PTTG1IP: variants seen among roughly 807,000 people sequenced by gnomAD.
The protein encoded by PTTG1IP is pituitary tumor-transforming gene 1 protein-interacting protein.
PTTG1IP carries 16 observed loss-of-function variants against 24.4 expected under a neutral mutation model. The ratio of observed to expected loss-of-function variants is 0.66; its 90% CI spans 0.44 to 1.00. The LOEUF is 1.00. Ranked by LOEUF, PTTG1IP falls within the 50% of genes least tolerant of loss-of-function variation. The pLI is 0.00. For synonymous variants in PTTG1IP, 89 were observed against 96.8 expected, an observed-to-expected ratio of 0.92 and a Z score of 0.47; for missense variants, 241 against 245.8, an observed-to-expected ratio of 0.98 and a Z score of 0.13.
chr21:44,861,939 G>T (rs888891198), intron 2 of PTTG1IP: 1 of 688,710 alleles, frequency 1.5e-6, no homozygotes, highest in African/African-American at 1.8e-5. Flanking sequence ...GCACTAAGTC[G>T]CACAGCTTGA....
chr21:44,867,061 C>G (rs1436163120), intron 1 of PTTG1IP, among the ~76,000 whole-genome samples: 1 of 152,166 alleles, frequency 6.6e-6, no homozygotes, highest in Non-Finnish European at 1.5e-5. Flanking sequence ...TGAACACAGC[C>G]CAGATGTCAC....
chr21:44,852,682 G>C (rs1338601842), intron 5 of PTTG1IP, among the ~76,000 whole-genome samples: 1 of 152,194 alleles, frequency 6.6e-6, no homozygotes, highest in East Asian at 1.9e-4. Context: ...GAGGCTCAAA[G>C]TCGGTTTTGG....
At chr21:44,866,750 CCAGA>C (rs1169550732) in intron 1 of PTTG1IP, among the ~76,000 whole-genome samples, 15 of 152,170 alleles carry the variant, frequency 9.9e-5, no homozygotes, top group African/African-American at 3.4e-4. Context: ...TCACCAGTCA[CCAGA>C]CAAAGGCAAA....
chr21:44,858,964 A>G (rs552738384), intron 3 of PTTG1IP, among the ~76,000 whole-genome samples: 3 of 152,344 alleles, frequency 2.0e-5, no homozygotes, highest in Admixed American at 6.5e-5. Context: ...TGGCAGACGT[A>G]CTAAGGCTAA....
chr21:44,858,846 A>C (rs1336122772), intron 3 of PTTG1IP, among the ~76,000 whole-genome samples: 1 of 152,248 alleles, frequency 6.6e-6, no homozygotes, highest in African/African-American at 2.4e-5. Context: ...CACTAGATGG[A>C]CTGAACTTAG....
intron 1 of PTTG1IP, among the ~76,000 whole-genome samples, chr21:44,872,403 G>A (rs143459707): frequency 1.2e-3 from 182 of 152,354 alleles, no homozygotes; most frequent in South Asian, 0.01. Flanking sequence ...CACTGACAGA[G>A]CCTGGGCTAA....
At chr21:44,855,857 C>G (rs977154234) in intron 4 of PTTG1IP, among the ~76,000 whole-genome samples, 1 of 152,212 alleles carries the variant, frequency 6.6e-6, no homozygotes, top group Non-Finnish European at 1.5e-5. Flanking sequence ...GCTGTCCCCT[C>G]TGAGCCTCAG....
At chr21:44,853,869 G>A (rs1403420865) in intron 5 of PTTG1IP, among the ~76,000 whole-genome samples, 4 of 152,210 alleles carry the variant, frequency 2.6e-5, no homozygotes, top group Admixed American at 2.0e-4. Context: ...TGGGCATCTC[G>A]AGGCCAGCAG....
intron 3 of PTTG1IP, among the ~76,000 whole-genome samples, chr21:44,858,733 C>G (rs749643229): frequency 2.0e-5 from 3 of 152,192 alleles, no homozygotes; most frequent in Non-Finnish European, 4.4e-5. Context: ...TGTCATTTCA[C>G]AAGAGAATTG....
intron 4 of PTTG1IP, 50 bp from the exon 5 acceptor site, chr21:44,855,306 G>GT (rs755619782): frequency 6.4e-7 from 1 of 1,554,422 alleles, no homozygotes; most frequent in South Asian, 1.1e-5. Flanking sequence ...GCACGGTGGT[G>GT]TAACTGCTAG....
At chr21:44,852,183 A>AT (rs200004610) in intron 5 of PTTG1IP, among the ~76,000 whole-genome samples, 41 of 150,612 alleles carry the variant, frequency 2.7e-4, no homozygotes, top group South Asian at 1.1e-3. Context: ...CTCTCCCTTT[A>AT]TTTTTTATTT....
intron 2 of PTTG1IP, among the ~76,000 whole-genome samples, chr21:44,863,824 C>CA (rs1477253937): frequency 6.6e-6 from 1 of 152,222 alleles, no homozygotes; most frequent in Non-Finnish European, 1.5e-5. Context: ...TCAGCAAATG[C>CA]AAGTATCCAC....
chr21:44,853,433 G>A (rs1464644411), intron 5 of PTTG1IP, among the ~76,000 whole-genome samples: 5 of 151,568 alleles, frequency 3.3e-5, no homozygotes, highest in Non-Finnish European at 7.4e-5. Flanking sequence ...GTGTGAACCT[G>A]GGAGGCAGAG....
chr21:44,852,348 A>C (rs905739306), intron 5 of PTTG1IP, among the ~76,000 whole-genome samples: 14 of 151,874 alleles, frequency 9.2e-5, no homozygotes, highest in Non-Finnish European at 1.8e-4. Flanking sequence ...TACTTGGCTA[A>C]TTTTTGTATT....
rs1203217552 is a variant in PTTG1IP, at chr21:44,861,247, C to T, written c.193G>A (p.Ala65Thr). 1 of 1,613,848 alleles carries T rather than the reference C, an allele frequency of 6.2e-7. No homozygotes were observed. The highest frequency in any genetic ancestry group is 2.2e-5 in the East Asian group (1 of 44,892). ...CTTGTAACTGGGTAGTCCAGACAAGCCTTGTTAGTGTTGCACCAAAGACAC... is the reference window on the plus strand; with the variant it reads ...CTTGTAACTGGGTAGTCCAGACAAGTCTTGTTAGTGTTGCACCAAAGACAC... ...VSCLWCNTNK[A>T]CLDYPVTSVL... Residue 65 changes from alanine to threonine, a missense_variant, in exon 3 of 6, where the codon GCT becomes ACT. Transcript: ENST00000330938.
chr21:44,872,585 T>A (rs1359788914), intron 1 of PTTG1IP, among the ~76,000 whole-genome samples: 4 of 152,186 alleles, frequency 2.6e-5, no homozygotes, highest in Non-Finnish European at 5.9e-5. Flanking sequence ...CATGACACTC[T>A]CCAGCTTAGA....
At position 44,854,842 on chromosome 21, in the gene PTTG1IP, C is replaced by T. The variant is rs918457982; in HGVS notation, c.496+368G>A. Among the ~76,000 whole-genome samples, 13 of 152,210 alleles carry T rather than the reference C, an allele frequency of 8.5e-5. No homozygotes were observed. In the South Asian group the frequency reaches 2.5e-3, roughly 29 times the overall value. On this transcript the variant is annotated intron_variant, in intron 5 of 5. Transcript: ENST00000330938. ...AGAAGATGGCAACGAGCAACGCTCC[C>T]GAGGATGAGAGGGCCGCCCTGAAAC... is the stretch of plus-strand genomic sequence containing the variant.
chr21:44,860,559 G>C (rs1456518633), intron 3 of PTTG1IP, among the ~76,000 whole-genome samples: 1 of 152,174 alleles, frequency 6.6e-6, no homozygotes, highest in African/African-American at 2.4e-5. Flanking sequence ...GGTGACACAT[G>C]AACAAAACAT....
rs1194097777 is a variant in PTTG1IP, at chr21:44,873,526, C to T, written c.91G>A (p.Ala31Thr). ...CCAGCTCCGGGAGGCTCCTGCGCGG[C>T]GGCCACCGGGATGAGCAGCAGGAGC... Reference protein sequence around the residue: ...ALLLLLIPVAAAQEPPGAACS... With the variant: ...ALLLLLIPVATAQEPPGAACS... The change falls in exon 1 of 6, where the codon GCC becomes ACC. Residue 31 changes from alanine to threonine, a missense_variant. Physicochemically the swap from Ala to Thr is moderately conservative, Grantham distance 58 (BLOSUM62 0). Coordinates refer to ENST00000330938, the MANE Select transcript of PTTG1IP (RefSeq NM_004339.4). The T allele has an allele frequency of 1.4e-6, 2 of 1,465,272 alleles. No homozygotes were observed. The highest frequency in any genetic ancestry group is 4.9e-5 in the Admixed American group (2 of 40,534). The allele number at this position is 1,465,272 out of a possible 1,614,324, so 90.8% of individuals were successfully genotyped here. A position where few individuals can be genotyped will look rare whatever the true frequency, so the allele number is the denominator to read the frequency against.
Sources: gnomAD v4.1 joint callset for allele counts (sites outside exome capture counted in the v4.1 genomes callset) on GRCh38, gnomAD v4.1.1 for gene constraint, MANE v1.5 for transcripts, NCBI Gene and HGNC (gene_info 2026-07-23, HGNC 2026-07-21) for gene names.